The following CLVS1 variants were observed in gnomAD, a reference collection of about 807,000 sequenced individuals.
The protein encoded by CLVS1 is clavesin-1.
In CLVS1, 10 loss-of-function variants were observed where a neutral mutation model predicts 33.1. The observed-to-expected ratio is 0.30, with a 90% CI of 0.19 to 0.51. CLVS1 has a LOEUF of 0.51. Ranked by LOEUF, CLVS1 falls within the 20% of genes least tolerant of loss-of-function variation. The pLI, the probability that CLVS1 is intolerant of heterozygous loss-of-function variation, is 0.97. For missense variants in CLVS1, 343 were observed against 433.4 expected, an observed-to-expected ratio of 0.79 and a Z score of 1.85; for synonymous variants, 163 against 166.1, an observed-to-expected ratio of 0.98 and a Z score of 0.14.
chr8:61,316,954 T>C (rs959341020), intron 2 of CLVS1, among the ~76,000 whole-genome samples: 2 of 152,156 alleles, frequency 1.3e-5, no homozygotes, highest in African/African-American at 4.8e-5. Context: ...CAAGTAAAAG[T>C]CCATAAAAAT....
At chr8:61,035,511 C>T in the CLVS1 span, among the ~76,000 whole-genome samples, 1 of 152,078 alleles carries the variant, frequency 6.6e-6, no homozygotes, top group Non-Finnish European at 1.5e-5. Flanking sequence ...TTGTGGCCGG[C>T]CCCGGGCGTC....
the CLVS1 span, among the ~76,000 whole-genome samples, chr8:61,029,357 G>A: frequency 6.6e-6 from 1 of 152,158 alleles, no homozygotes; most frequent in African/African-American, 2.4e-5. Context: ...CCAGAAAACT[G>A]GGTCAACTGT....
intron 3 of CLVS1, among the ~76,000 whole-genome samples, chr8:61,446,855 G>T (rs1186729114): frequency 6.6e-6 from 1 of 150,838 alleles, no homozygotes; most frequent in African/African-American, 2.4e-5. Context: ...CCCATCCATG[G>T]GTTATTTAGA....
chr8:61,487,140 G>T (rs544553620), intron 5 of CLVS1, among the ~76,000 whole-genome samples: 18 of 152,174 alleles, frequency 1.2e-4, no homozygotes, highest in African/African-American at 3.9e-4. Context: ...CAGCTCCCAG[G>T]CTCTGCCCCT....
At chr8:61,206,723 G>A (rs978047046) in intron 2 of CLVS1, among the ~76,000 whole-genome samples, 1 of 151,730 alleles carries the variant, frequency 6.6e-6, no homozygotes, top group Non-Finnish European at 1.5e-5. Context: ...CGAGTAGCTG[G>A]GACTACAGGC....
intron 2 of CLVS1, among the ~76,000 whole-genome samples, chr8:61,309,436 T>G (rs1022609521): frequency 6.6e-6 from 1 of 152,176 alleles, no homozygotes; most frequent in South Asian, 2.1e-4. Flanking sequence ...ACAGCAGTTC[T>G]CTCACCTCCA....
intron 1 of CLVS1, among the ~76,000 whole-genome samples, chr8:61,067,737 C>G (rs1188552745): frequency 6.6e-5 from 10 of 151,856 alleles, no homozygotes. Context: ...AAACCAAATA[C>G]TACATGTTCT....
chr8:61,017,355 C>T, the CLVS1 span, among the ~76,000 whole-genome samples: 8 of 152,210 alleles, frequency 5.3e-5, no homozygotes, highest in Admixed American at 4.6e-4. Context: ...CCGTGGGTGC[C>T]TTCGCACAGT....
intron 1 of CLVS1, among the ~76,000 whole-genome samples, chr8:61,060,441 C>G (rs1019716027): frequency 2.0e-5 from 3 of 152,124 alleles, no homozygotes; most frequent in African/African-American, 7.2e-5. Context: ...GATCATTCAG[C>G]AGTTTAGGGA....
chr8:61,045,628 C>A, the CLVS1 span, among the ~76,000 whole-genome samples: 2 of 152,156 alleles, frequency 1.3e-5, no homozygotes, highest in Non-Finnish European at 2.9e-5. Context: ...AGCTAATATA[C>A]CTAGACGTAG....
chr8:61,475,481 C>T (rs191575550), intron 5 of CLVS1, among the ~76,000 whole-genome samples: 2,788 of 152,208 alleles, frequency 0.018, 75 homozygotes, highest in African/African-American at 0.063. Context: ...TTTTAATGAT[C>T]GCCATTCTAA....
chr8:61,084,646 C>A (rs1275174253), intron 1 of CLVS1, among the ~76,000 whole-genome samples: 2 of 152,168 alleles, frequency 1.3e-5, no homozygotes, highest in Non-Finnish European at 2.9e-5. Context: ...AAGCTACAAA[C>A]CTTGCATATA....
chr8:61,005,488 A>C, the CLVS1 span, among the ~76,000 whole-genome samples: 45 of 152,044 alleles, frequency 3.0e-4, no homozygotes, highest in African/African-American at 1.0e-3. Flanking sequence ...GCAGGGAAAA[A>C]AGAAAAGAAA....
chr8:61,027,837 T>A, the CLVS1 span, among the ~76,000 whole-genome samples: 4 of 152,266 alleles, frequency 2.6e-5, no homozygotes, highest in Admixed American at 2.0e-4. Flanking sequence ...ACTCACATGA[T>A]GTCACATGAT....
intron 4 of CLVS1, among the ~76,000 whole-genome samples, chr8:61,456,784 G>A (rs1476797522): frequency 6.6e-6 from 1 of 151,858 alleles, no homozygotes; most frequent in Admixed American, 6.5e-5. Flanking sequence ...TGGGCGTGGT[G>A]GCAGGTGCCT....
At chr8:61,200,430 C>G (rs951191693) in intron 2 of CLVS1, among the ~76,000 whole-genome samples, 3 of 152,230 alleles carry the variant, frequency 2.0e-5, no homozygotes, top group Non-Finnish European at 2.9e-5. Context: ...CTACACTTAC[C>G]ATTAGTAATG....
chr8:61,236,769 A>C (rs1585712197), intron 2 of CLVS1, among the ~76,000 whole-genome samples: 1 of 152,108 alleles, frequency 6.6e-6, no homozygotes, highest in Admixed American at 6.5e-5. Flanking sequence ...GAGTTCACCG[A>C]CCTCATTTTA....
intron 2 of CLVS1, among the ~76,000 whole-genome samples, chr8:61,207,727 G>A (rs181104658): frequency 1.2e-4 from 18 of 152,260 alleles, no homozygotes; most frequent in Middle Eastern, 3.4e-3. Context: ...AGGGGGAAAT[G>A]ATTATAATGT....
intron 1 of CLVS1, among the ~76,000 whole-genome samples, chr8:61,103,222 C>T (rs142017840): frequency 1.3e-5 from 2 of 152,302 alleles, no homozygotes; most frequent in Admixed American, 6.5e-5. Flanking sequence ...TGCTGCTCTT[C>T]CTTGGCCACT....
Sources: allele counts gnomAD v4.1 joint callset (sites outside exome capture counted in the v4.1 genomes callset), GRCh38; gene constraint gnomAD v4.1.1; transcripts MANE v1.5; gene names NCBI Gene and HGNC (gene_info 2026-07-23, HGNC 2026-07-21).